The following POC1B variants were observed in gnomAD, a reference collection of about 807,000 sequenced individuals.
POC1B encodes POC1 centriolar protein B, also known as POC1 centriolar protein homolog B.
Under a neutral mutation model 60.6 loss-of-function variants are expected in POC1B, and 44 were observed. That is an observed-to-expected ratio of 0.73 (90% CI 0.57 to 0.93). POC1B has a LOEUF of 0.93. Ranked by LOEUF, POC1B falls within the 40% of genes least tolerant of loss-of-function variation. The pLI is 0.00. For missense variants in POC1B, 555 were observed against 572.3 expected, an observed-to-expected ratio of 0.97 and a Z score of 0.31; for synonymous variants, 180 against 198.9, an observed-to-expected ratio of 0.90 and a Z score of 0.80.
the POC1B span, among the ~76,000 whole-genome samples, chr12:89,411,556 G>A: frequency 6.6e-6 from 1 of 152,312 alleles, no homozygotes; most frequent in East Asian, 1.9e-4. Context: ...GATCACATAT[G>A]ATTCAAAATC....
chr12:89,522,980 G>A (rs754238856), intron 2 of POC1B: 3 of 1,613,962 alleles, frequency 1.9e-6, no homozygotes, highest in South Asian at 2.2e-5. Flanking sequence ...GCTGGTACAG[G>A]GAACCCATCT....
chr12:89,478,410 C>G (rs764597047), intron 4 of POC1B, among the ~76,000 whole-genome samples: 2 of 152,178 alleles, frequency 1.3e-5, no homozygotes, highest in Non-Finnish European at 2.9e-5. Flanking sequence ...TTAAACACCA[C>G]GCCTGGCCCC....
chr12:89,498,407 ATAGGAAG>A (rs1196941182), intron 2 of POC1B, among the ~76,000 whole-genome samples: 6 of 152,260 alleles, frequency 3.9e-5, no homozygotes, highest in Admixed American at 3.9e-4. Flanking sequence ...GGCTCCAATA[ATAGGAAG>A]TAGGTCAATG....
chr12:89,521,981 G>A (rs1044150741), intron 2 of POC1B: 2 of 398,814 alleles, frequency 5.0e-6, no homozygotes, highest in East Asian at 3.6e-5. Context: ...TTAACAAAGG[G>A]AGGCATAGTA....
intron 5 of POC1B, 78 bp downstream of exon 5, chr12:89,472,090 T>G: frequency 1.0e-6 from 1 of 995,570 alleles, no homozygotes. Context: ...CTTTACTCAT[T>G]TATTTATTTA....
intron 10 of POC1B, among the ~76,000 whole-genome samples, chr12:89,454,346 T>A (rs917455541): frequency 2.0e-5 from 3 of 152,178 alleles, no homozygotes; most frequent in Non-Finnish European, 2.9e-5. Context: ...CCACCTCCTC[T>A]GCTACCTCCC....
chr12:89,444,428 C>T (rs1157562550), intron 10 of POC1B, among the ~76,000 whole-genome samples: 1 of 152,212 alleles, frequency 6.6e-6, no homozygotes, highest in African/African-American at 2.4e-5. Context: ...GGCTTCATCC[C>T]TCAGATGGAA....
chr12:89,415,327 C>A (rs895602655), downstream of POC1B, among the ~76,000 whole-genome samples: 2 of 152,072 alleles, frequency 1.3e-5, no homozygotes, highest in Non-Finnish European at 2.9e-5. Context: ...GAAATGGAGT[C>A]CAGAGAAACA....
At chr12:89,516,760 C>T (rs1263596302) in intron 2 of POC1B, among the ~76,000 whole-genome samples, 1 of 152,192 alleles carries the variant, frequency 6.6e-6, no homozygotes, top group South Asian at 2.1e-4. Flanking sequence ...TCTCCAAAGG[C>T]TCTAGGGGAT....
intron 3 of POC1B, among the ~76,000 whole-genome samples, chr12:89,492,355 G>T (rs1478113795): frequency 6.6e-6 from 1 of 152,142 alleles, no homozygotes. Context: ...AAAAACAAAA[G>T]ATGGGGAAAA....
At chr12:89,493,551 G>C (rs1473997803) in intron 3 of POC1B, among the ~76,000 whole-genome samples, 2 of 152,184 alleles carry the variant, frequency 1.3e-5, no homozygotes, top group Non-Finnish European at 2.9e-5. Flanking sequence ...AATTAGGAGG[G>C]AGCATCCAGG....
At chr12:89,513,310 GTAAC>G (rs1299808156) in intron 2 of POC1B, among the ~76,000 whole-genome samples, 1 of 145,760 alleles carries the variant, frequency 6.9e-6, no homozygotes, top group African/African-American at 2.5e-5. Flanking sequence ...TGCAGGGAAA[GTAAC>G]TAAAAAGTTC....
At chr12:89,413,943 G>A in the POC1B span, among the ~76,000 whole-genome samples, 1 of 151,932 alleles carries the variant, frequency 6.6e-6, no homozygotes, top group South Asian at 2.1e-4. Flanking sequence ...CCAGGCTGGT[G>A]TGCAGTGGCA....
intron 4 of POC1B, among the ~76,000 whole-genome samples, chr12:89,474,448 A>G (rs1298678176): frequency 6.6e-6 from 1 of 152,186 alleles, no homozygotes; most frequent in Non-Finnish European, 1.5e-5. Context: ...ACCAAATACT[A>G]CCACCACCAT....
At position 89,498,824 on chromosome 12, in the gene POC1B, G is replaced by A. The variant is rs76128475; in HGVS notation, c.101-1482C>T. Among the ~76,000 whole-genome samples the A allele has an allele frequency of 6.8e-3, 1,037 of 152,154 alleles. 12 individuals carry two copies. Among genetic ancestry groups the A allele is most frequent in the African/African-American group, 0.024 (1,001 of 41,508 alleles). ...GAGTTCTGTGTATCATGCTGCAAACGAGATAAACAAAAGCAAATAAGATAC... is the reference window on the plus strand; with the variant it reads ...GAGTTCTGTGTATCATGCTGCAAACAAGATAAACAAAAGCAAATAAGATAC... On this transcript the variant is annotated intron_variant, in intron 2 of 11. Transcript: ENST00000313546.
intron 4 of POC1B, among the ~76,000 whole-genome samples, chr12:89,487,682 C>T (rs1418203624): frequency 6.6e-6 from 1 of 152,142 alleles, no homozygotes; most frequent in Non-Finnish European, 1.5e-5. Flanking sequence ...AATTAATGTT[C>T]CTGGAGCACA....
At chr12:89,404,414 G>A in the POC1B span, among the ~76,000 whole-genome samples, 10 of 152,266 alleles carry the variant, frequency 6.6e-5, no homozygotes, top group African/African-American at 2.2e-4. Context: ...CTTTCTCTCA[G>A]CACTTTTGTC....
At chr12:89,450,298 C>T (rs1175812142) in intron 10 of POC1B, among the ~76,000 whole-genome samples, 1 of 151,696 alleles carries the variant, frequency 6.6e-6, no homozygotes, top group African/African-American at 2.4e-5. Flanking sequence ...ACCTATGCCT[C>T]TAGGGTTCAA....
the POC1B span, among the ~76,000 whole-genome samples, chr12:89,410,596 C>T: frequency 5.3e-5 from 8 of 151,236 alleles, no homozygotes; most frequent in Admixed American, 2.0e-4. Context: ...AGGAGAATGG[C>T]GTGAACCTGA....
Sources: gnomAD v4.1 joint callset for allele counts (sites outside exome capture counted in the v4.1 genomes callset) on GRCh38, gnomAD v4.1.1 for gene constraint, MANE v1.5 for transcripts, NCBI Gene and HGNC (gene_info 2026-07-23, HGNC 2026-07-21) for gene names.